Variants in PTPRT observed in about 807,000 individuals in gnomAD.
The protein encoded by PTPRT is protein tyrosine phosphatase receptor type T, also known as receptor-type tyrosine-protein phosphatase T.
In PTPRT, 56 loss-of-function variants were observed where a neutral mutation model predicts 176.8. The ratio of observed to expected loss-of-function variants is 0.32; its 90% CI spans 0.26 to 0.40. The LOEUF is 0.40. PTPRT is among the 10% of genes least tolerant of loss of function. PTPRT has a pLI of 1.00. For synonymous variants in PTPRT, 783 were observed against 739.0 expected (o/e 1.06, Z -0.96); for missense variants, 1,540 against 1,908.2 (o/e 0.81, Z 3.60).
intron 1 of PTPRT, among the ~76,000 whole-genome samples, chr20:43,044,079 A>C (rs1303017684): frequency 6.6e-6 from 1 of 152,160 alleles, no homozygotes; most frequent in Admixed American, 6.5e-5. Context: ...GGTCCAAGGC[A>C]GATGGAGCAG....
intron 2 of PTPRT, among the ~76,000 whole-genome samples, chr20:42,856,468 T>G (rs2078565180): frequency 6.6e-6 from 1 of 152,022 alleles, no homozygotes. Flanking sequence ...GAAACATAAA[T>G]AGATCACTGC....
At chr20:42,477,074 G>A (rs1056777406) in intron 7 of PTPRT, among the ~76,000 whole-genome samples, 31 of 152,184 alleles carry the variant, frequency 2.0e-4, no homozygotes, top group African/African-American at 6.5e-4. Context: ...TCAGGTGCAA[G>A]CTCTGTCCAC....
intron 8 of PTPRT, among the ~76,000 whole-genome samples, chr20:42,450,958 C>T (rs1468376566): frequency 6.6e-6 from 1 of 152,008 alleles, no homozygotes; most frequent in Non-Finnish European, 1.5e-5. Context: ...CCTAGAATGG[C>T]AAGTTAGGAT....
Position 43,184,454 on chromosome 20 carries a change from C to T in PTPRT, c.88+5192G>A, listed in dbSNP as rs540286714. Among the ~76,000 whole-genome samples, 20 of 152,178 alleles carry T rather than the reference C, an allele frequency of 1.3e-4. No homozygotes were observed. The East Asian group carries it at 3.3e-3, about 25-fold the overall frequency. On this transcript the variant is annotated intron_variant, in intron 1 of 30. Transcript: ENST00000373187. ...CTGGAATCCCAGCACTTTGGGAGGTCGAGGCGGGAGGATCACAAGATCGAG... is the reference window on the plus strand; with the variant it reads ...CTGGAATCCCAGCACTTTGGGAGGTTGAGGCGGGAGGATCACAAGATCGAG...
intron 20 of PTPRT, among the ~76,000 whole-genome samples, chr20:42,118,891 A>G (rs1421373899): frequency 6.6e-6 from 1 of 151,924 alleles, no homozygotes; most frequent in East Asian, 1.9e-4. Context: ...CAGGAAGGCA[A>G]CTGGGGTGGG....
At chr20:42,364,459 G>A (rs2058487309) in intron 9 of PTPRT, among the ~76,000 whole-genome samples, 1 of 152,150 alleles carries the variant, frequency 6.6e-6, no homozygotes, top group Admixed American at 6.5e-5. Flanking sequence ...CTTACTATGA[G>A]AAGGTTTTGT....
At chr20:42,914,654 G>C (rs140146146) in intron 1 of PTPRT, among the ~76,000 whole-genome samples, 1 of 152,122 alleles carries the variant, frequency 6.6e-6, no homozygotes, top group Non-Finnish European at 1.5e-5. Flanking sequence ...AAACACAAAC[G>C]GATCAGTGCT....
chr20:42,382,637 T>C (rs2058707976), intron 9 of PTPRT, among the ~76,000 whole-genome samples: 1 of 151,804 alleles, frequency 6.6e-6, no homozygotes, highest in Non-Finnish European at 1.5e-5. Flanking sequence ...GCAGAATAAA[T>C]AATGGCTGCA....
chr20:42,268,862 C>A lies in PTPRT; in HGVS notation c.2176+13627G>T, dbSNP rs73909250. On this transcript the variant is annotated intron_variant, in intron 13 of 30. Transcript: ENST00000373187. ...CTCAGCCCCAATCTCCTTTACTGGG[C>A]GGGTGTGACTACTCTCCAGCTGCTG... Among the ~76,000 whole-genome samples the A allele has an allele frequency of 4.6e-5, 7 of 152,162 alleles. No individual in the cohort carries two copies. In the East Asian group the frequency reaches 9.7e-4, roughly 21 times the overall value.
At position 42,754,927 on chromosome 20, in the gene PTPRT, C is replaced by T. The variant is rs1040054891; in HGVS notation, c.859+1535G>A. On this transcript the variant is annotated intron_variant, in intron 6 of 30. Transcript: ENST00000373187. The stretch of plus-strand genomic sequence containing the variant: ...AACTGAGAACCAGTGCCAGGCACTG[C>T]GCTGAGTGCAGGGACTTCCAACCCA... Among the ~76,000 whole-genome samples, 7 of 152,244 alleles carry T rather than the reference C, an allele frequency of 4.6e-5. No individual in the cohort carries two copies. In the South Asian group the frequency reaches 1.0e-3, roughly 23 times the overall value.
intron 12 of PTPRT, among the ~76,000 whole-genome samples, chr20:42,292,247 T>C (rs181592624): frequency 3.2e-4 from 49 of 152,298 alleles, no homozygotes; most frequent in Non-Finnish European, 4.9e-4. Flanking sequence ...AGCTATTGTT[T>C]AGCCCCAATG....
intron 13 of PTPRT, among the ~76,000 whole-genome samples, chr20:42,277,268 C>T (rs2057055404): frequency 6.6e-6 from 1 of 152,186 alleles, no homozygotes; most frequent in Non-Finnish European, 1.5e-5. Flanking sequence ...AGCAACTCTG[C>T]AAATGGCTTT....
chr20:42,574,415 T>C (rs1321380573), intron 7 of PTPRT, among the ~76,000 whole-genome samples: 1 of 152,166 alleles, frequency 6.6e-6, no homozygotes, highest in African/African-American at 2.4e-5. Context: ...TTGGGTATCA[T>C]GAAAATGTCA....
At chr20:42,143,161 A>C (rs764076129) in intron 17 of PTPRT, among the ~76,000 whole-genome samples, 7 of 152,172 alleles carry the variant, frequency 4.6e-5, no homozygotes, top group Non-Finnish European at 1.0e-4. Flanking sequence ...GGTTTTGGGC[A>C]GGGGAATCAT....
intron 7 of PTPRT, among the ~76,000 whole-genome samples, chr20:42,581,871 G>A (rs2073378906): frequency 6.6e-6 from 1 of 152,232 alleles, no homozygotes; most frequent in Non-Finnish European, 1.5e-5. Flanking sequence ...CTGGGCTCCT[G>A]CCTAAAGCAT....
At chr20:42,814,721 C>A (rs1344208543) in intron 2 of PTPRT, among the ~76,000 whole-genome samples, 1 of 152,146 alleles carries the variant, frequency 6.6e-6, no homozygotes, top group Non-Finnish European at 1.5e-5. Flanking sequence ...TGATGGCAAG[C>A]ATGTCATTCA....
At chr20:42,531,670 G>A (rs903169664) in intron 7 of PTPRT, among the ~76,000 whole-genome samples, 4 of 152,176 alleles carry the variant, frequency 2.6e-5, no homozygotes, top group African/African-American at 7.2e-5. Context: ...ATAACGCCAC[G>A]TGCAAGCAAC....
intron 2 of PTPRT, among the ~76,000 whole-genome samples, chr20:42,835,724 T>C (rs1220801912): frequency 6.6e-6 from 1 of 152,214 alleles, no homozygotes; most frequent in Non-Finnish European, 1.5e-5. Context: ...GGTTTATAGA[T>C]AATTTTCATT....
chr20:42,799,220 G>C (rs1470516971), intron 2 of PTPRT, among the ~76,000 whole-genome samples: 1 of 152,072 alleles, frequency 6.6e-6, no homozygotes, highest in Non-Finnish European at 1.5e-5. Flanking sequence ...GGAGAAGCAG[G>C]AGACATGAAC....
Sources: allele counts gnomAD v4.1 joint callset (sites outside exome capture counted in the v4.1 genomes callset), GRCh38; gene constraint gnomAD v4.1.1; transcripts MANE v1.5; gene names NCBI Gene and HGNC (gene_info 2026-07-23, HGNC 2026-07-21).